ARHGAP40: variants seen among roughly 807,000 people sequenced by gnomAD.
The protein encoded by ARHGAP40 is Rho GTPase activating protein 40, also known as rho GTPase-activating protein 40.
In ARHGAP40, 43 loss-of-function variants were observed where a neutral mutation model predicts 73.5. The ratio of observed to expected loss-of-function variants is 0.58; its 90% confidence interval spans 0.46 to 0.75. The LOEUF (loss-of-function observed/expected upper bound fraction) is 0.75, where lower values mean the gene tolerates loss of function less well. Among genes scored for constraint, ARHGAP40 ranks in the 30% least tolerant of loss-of-function variants. The pLI is 0.00. For missense variants in ARHGAP40, 734 were observed against 861.8 expected (o/e 0.85, Z 1.86); for synonymous variants, 300 against 352.8 (o/e 0.85, Z 1.68).
intron 1 of ARHGAP40, among the ~76,000 whole-genome samples, chr20:38,606,850 C>T (rs965017765): frequency 6.6e-6 from 1 of 152,222 alleles, no homozygotes; most frequent in African/African-American, 2.4e-5. Context: ...AACGCAACCA[C>T]TGAATAAATC....
At chr20:38,644,289 C>A (rs958499751) in intron 11 of ARHGAP40, among the ~76,000 whole-genome samples, 5 of 152,172 alleles carry the variant, frequency 3.3e-5, no homozygotes, top group Middle Eastern at 3.4e-3. Context: ...AACAGGGATA[C>A]CCCTGCCCTC....
At chr20:38,607,514 C>T (rs2088778222) in intron 1 of ARHGAP40, among the ~76,000 whole-genome samples, 1 of 152,212 alleles carries the variant, frequency 6.6e-6, no homozygotes, top group Non-Finnish European at 1.5e-5. Context: ...CAGCGAAGGG[C>T]AGGTCCCTTC....
chr20:38,615,002 G>T, intron 1 of ARHGAP40: 2 of 1,189,690 alleles, frequency 1.7e-6, no homozygotes, highest in South Asian at 1.2e-5. Flanking sequence ...GGAAAGTCCC[G>T]CTGGGGTTGA....
exon 1 of ARHGAP40, chr20:38,601,888 G>A: frequency 7.8e-7 from 1 of 1,286,284 alleles, no homozygotes; most frequent in South Asian, 1.2e-5. Context: ...TGCCGATCGA[G>A]TCAGCCCCAC....
chr20:38,641,695 C>T lies in ARHGAP40; in HGVS notation c.1280-31C>T. The T allele has an allele frequency of 3.1e-6, 4 of 1,287,748 alleles. No homozygotes were observed. In the African/African-American group the frequency reaches 6.1e-5, roughly 20 times the overall value. 79.8% of individuals were successfully genotyped at this position (1,287,748 alleles called of 1,614,324 possible). ...TGAGGGAGGGAGTCCCTGAGCCTCC[C>T]ATGGAGACTGAGGTCCCTCCCTTCC... On this transcript the variant is annotated intron_variant, in intron 9 of 14. Transcript: ENST00000373345.
At chr20:38,619,178 G>A (rs751867058) in intron 1 of ARHGAP40, among the ~76,000 whole-genome samples, 1 of 152,158 alleles carries the variant, frequency 6.6e-6, no homozygotes, top group African/African-American at 2.4e-5. Flanking sequence ...TACGTGAGAC[G>A]AGGCTAGAAG....
At chr20:38,641,696 A>G (rs768590813) in intron 9 of ARHGAP40, 30 bp from the exon 10 acceptor site, 10 of 1,289,118 alleles carry the variant, frequency 7.8e-6, no homozygotes, top group African/African-American at 3.1e-5. Flanking sequence ...TGAGCCTCCC[A>G]TGGAGACTGA....
At chr20:38,625,857 G>A (rs2088896065) in intron 2 of ARHGAP40, among the ~76,000 whole-genome samples, 1 of 152,198 alleles carries the variant, frequency 6.6e-6, no homozygotes, top group Non-Finnish European at 1.5e-5. Context: ...TAAAATAGAT[G>A]TGTTTTAGTA....
intron 5 of ARHGAP40, among the ~76,000 whole-genome samples, chr20:38,632,080 C>T (rs2088943047): frequency 6.6e-6 from 1 of 151,966 alleles, no homozygotes; most frequent in Admixed American, 6.6e-5. Context: ...TGTTGTGCCT[C>T]TGCCTCCCAA....
At chr20:38,647,011 G>A in exon 13 of ARHGAP40, 1 of 1,305,482 alleles carries the variant, frequency 7.7e-7, no homozygotes, top group Non-Finnish European at 1.0e-6. Flanking sequence ...CCCCTTGAAG[G>A]TGCCTCTCAC....
Position 38,646,979 on chromosome 20 carries a change from A to C in ARHGAP40, c.1733A>C (p.Gln578Pro). Reference sequence around the variant, plus strand: ...CAGACTCCCAAGGTGGCAAAGATCCAGGTGGTCTGGCCTATCAAGGACCCC... The same window carrying C: ...CAGACTCCCAAGGTGGCAAAGATCCCGGTGGTCTGGCCTATCAAGGACCCC... Residue 578 changes from glutamine (Q) to proline (P), a missense_variant, in exon 13 of 15, where the codon CAG becomes CCG. Physicochemically the swap from Gln to Pro is moderately conservative, Grantham distance 76. Transcript: ENST00000373345. This position sits in a 1 kb window ranked among gnomAD's most constrained non-coding sequence, Gnocchi z 4.5. The C allele has an allele frequency of 3.8e-6, 5 of 1,305,396 alleles. No individual in the cohort carries two copies. The highest frequency in any genetic ancestry group is 5.1e-6 in the Non-Finnish European group (5 of 988,972). 80.9% of individuals were successfully genotyped at this position (1,305,396 alleles called of 1,614,324 possible).
intron 10 of ARHGAP40, among the ~76,000 whole-genome samples, chr20:38,642,048 G>A (rs1443010723): frequency 6.6e-6 from 1 of 152,158 alleles, no homozygotes; most frequent in African/African-American, 2.4e-5. Context: ...GCTAACAGGT[G>A]TTAGCACCTT....
intron 9 of ARHGAP40, among the ~76,000 whole-genome samples, chr20:38,640,173 CTTTCTTCT>C (rs1333305361): frequency 2.3e-4 from 9 of 39,326 alleles, no homozygotes; most frequent in Non-Finnish European, 3.7e-4. Flanking sequence ...CTTTCTTCTT[CTTTCTTCT>C]TTTCTTCTTT....
intron 6 of ARHGAP40, among the ~76,000 whole-genome samples, chr20:38,636,905 G>A (rs1265327305): frequency 1.3e-5 from 2 of 152,142 alleles, no homozygotes; most frequent in African/African-American, 4.8e-5. Flanking sequence ...AAAAGACCAG[G>A]GGGAGGAATC....
intron 13 of ARHGAP40, among the ~76,000 whole-genome samples, chr20:38,647,683 G>A (rs1046989068): frequency 4.6e-5 from 7 of 152,142 alleles, no homozygotes; most frequent in Non-Finnish European, 1.0e-4. Flanking sequence ...GTGAGCCACC[G>A]CACCTGGCCC....
At chr20:38,641,677 G>T in intron 9 of ARHGAP40, 49 bp from the exon 10 acceptor site, 1 of 1,249,022 alleles carries the variant, frequency 8.0e-7, no homozygotes, top group Non-Finnish European at 1.0e-6. Flanking sequence ...GACTGAGGGA[G>T]GGAGTCCCTG....
exon 5 of ARHGAP40, chr20:38,629,585 G>A: frequency 7.7e-7 from 1 of 1,305,416 alleles, no homozygotes; most frequent in South Asian, 1.2e-5. Flanking sequence ...ACAAGCTGCG[G>A]TGCTCCTGCA....
At chr20:38,609,100 C>T (rs2088790207) in intron 1 of ARHGAP40, among the ~76,000 whole-genome samples, 1 of 152,178 alleles carries the variant, frequency 6.6e-6, no homozygotes, top group Non-Finnish European at 1.5e-5. Context: ...AACCTTCATC[C>T]CACCTTTGCC....
rs116146252 is a variant in ARHGAP40, at chr20:38,625,590, C to T, written c.338-1405C>T. Among the ~76,000 whole-genome samples, 1,210 of 152,076 alleles carry T rather than the reference C, an allele frequency of 8.0e-3. 11 individuals are homozygous for T. The highest frequency in any genetic ancestry group is 0.024 in the African/African-American group (997 of 41,502). On this transcript the variant is annotated intron_variant, in intron 2 of 14. Transcript: ENST00000373345. ...TTCACCACCACACCCGTCTAATTTTCGTATTTTTAGTAGAGATGGGGTTTC... is the reference window on the plus strand; with the variant it reads ...TTCACCACCACACCCGTCTAATTTTTGTATTTTTAGTAGAGATGGGGTTTC...
Sources: gnomAD v4.1 joint callset for allele counts (sites outside exome capture counted in the v4.1 genomes callset) on GRCh38, gnomAD v4.1.1 for gene constraint, Gnocchi (gnomAD v3.1) non-coding constraint, MANE v1.5 for transcripts, NCBI Gene and HGNC (gene_info 2026-07-23, HGNC 2026-07-21) for gene names.